Variants in ACOXL observed in about 807,000 individuals in gnomAD.
The protein encoded by ACOXL is acyl-CoA oxidase like.
In ACOXL, 70 loss-of-function variants were observed where a neutral mutation model predicts 71.9. The ratio of observed to expected loss-of-function variants is 0.97; its 90% CI spans 0.80 to 1.19. The LOEUF (loss-of-function observed/expected upper bound fraction) is 1.19, where lower values mean the gene tolerates loss of function less well. ACOXL is among the 50% of genes most tolerant of loss of function. The pLI, the probability that ACOXL is intolerant of heterozygous loss-of-function variation, is 0.00. For synonymous variants in ACOXL, 253 were observed against 281.6 expected, an observed-to-expected ratio of 0.90 and a Z score of 1.02; for missense variants, 703 against 736.3, an observed-to-expected ratio of 0.95 and a Z score of 0.52.
At chr2:110,741,625 A>G (rs1422538391) in intron 1 of ACOXL, among the ~76,000 whole-genome samples, 1 of 152,224 alleles carries the variant, frequency 6.6e-6, no homozygotes. Flanking sequence ...TCAACTGGAA[A>G]GTCATTTCTT....
chr2:110,938,153 T>C (rs950348273), intron 12 of ACOXL, among the ~76,000 whole-genome samples: 2 of 152,148 alleles, frequency 1.3e-5, no homozygotes, highest in Non-Finnish European at 2.9e-5. Context: ...ACTTAAGGAA[T>C]GAGCAAGAGC....
At chr2:110,962,297 C>T (rs1258461447) in intron 12 of ACOXL, among the ~76,000 whole-genome samples, 1 of 152,244 alleles carries the variant, frequency 6.6e-6, no homozygotes, top group East Asian at 1.9e-4. Flanking sequence ...CGCACTTTAT[C>T]GGAACCTGCT....
intron 10 of ACOXL, among the ~76,000 whole-genome samples, chr2:110,874,122 G>C (rs1271664607): frequency 1.3e-5 from 2 of 152,202 alleles, no homozygotes; most frequent in Admixed American, 6.5e-5. Flanking sequence ...TGGGAGAGAG[G>C]GCAGCAAAAG....
chr2:111,105,619 T>C (rs892071335), intron 17 of ACOXL, among the ~76,000 whole-genome samples: 2 of 152,172 alleles, frequency 1.3e-5, no homozygotes, highest in Non-Finnish European at 2.9e-5. Flanking sequence ...TGCATATCCA[T>C]TACTATTATA....
At chr2:111,043,843 T>G (rs764858547) in intron 15 of ACOXL, among the ~76,000 whole-genome samples, 6 of 152,192 alleles carry the variant, frequency 3.9e-5, no homozygotes, top group Non-Finnish European at 7.3e-5. Flanking sequence ...GGAAGCTGGC[T>G]TCCTCATCTT....
Position 111,031,729 on chromosome 2 carries a change from G to A in ACOXL, c.1369+15G>A. On this transcript the variant is annotated intron_variant, in intron 15 of 17. Transcript: ENST00000439055. Reference sequence around the variant, plus strand: ...CACTCACCGAGGTCAGTTGGCTCCTGTTGAATATTTGTAATTGAGTGACTC... The same window carrying A: ...CACTCACCGAGGTCAGTTGGCTCCTATTGAATATTTGTAATTGAGTGACTC... 1 of 1,613,656 alleles carries A rather than the reference G, an allele frequency of 6.2e-7. No homozygotes were observed. Among genetic ancestry groups the A allele is most frequent in the South Asian group, 1.1e-5 (1 of 91,072 alleles).
chr2:110,828,129 C>T (rs1412957755), intron 9 of ACOXL, among the ~76,000 whole-genome samples: 1 of 152,068 alleles, frequency 6.6e-6, no homozygotes, highest in African/African-American at 2.4e-5. Context: ...TGCCATCGCA[C>T]CTGGCTAATT....
chr2:111,038,779 C>A (rs2065644339), intron 15 of ACOXL, among the ~76,000 whole-genome samples: 1 of 152,100 alleles, frequency 6.6e-6, no homozygotes, highest in Admixed American at 6.5e-5. Flanking sequence ...AATATGTTTG[C>A]AGTAAACATA....
intron 9 of ACOXL, among the ~76,000 whole-genome samples, chr2:110,839,460 T>C (rs1573771916): frequency 6.6e-6 from 1 of 152,234 alleles, no homozygotes; most frequent in East Asian, 1.9e-4. Context: ...CTCTTCTGTT[T>C]GCTTAAGTTT....
chr2:110,779,044 CA>C (rs1230987649), intron 2 of ACOXL, among the ~76,000 whole-genome samples: 1 of 152,086 alleles, frequency 6.6e-6, no homozygotes, highest in Non-Finnish European at 1.5e-5. Context: ...CATGTGCTGC[CA>C]GGGGAAGAGG....
chr2:110,958,169 A>T (rs2061573417), intron 12 of ACOXL, among the ~76,000 whole-genome samples: 2 of 152,000 alleles, frequency 1.3e-5, no homozygotes, highest in South Asian at 2.1e-4. Context: ...TCTCATGCAT[A>T]CTCTCTCTAC....
intron 12 of ACOXL, among the ~76,000 whole-genome samples, chr2:110,962,386 G>A (rs948987917): frequency 1.3e-5 from 2 of 152,218 alleles, no homozygotes; most frequent in Non-Finnish European, 2.9e-5. Flanking sequence ...GGTTGGAAAT[G>A]TTACTGATTT....
chr2:110,970,106 G>A (rs923992463), intron 12 of ACOXL, among the ~76,000 whole-genome samples: 2 of 151,986 alleles, frequency 1.3e-5, no homozygotes, highest in Non-Finnish European at 2.9e-5. Context: ...CCAGAAAATA[G>A]AAGAGGAGAG....
intron 11 of ACOXL, among the ~76,000 whole-genome samples, chr2:110,913,910 C>A (rs72834505): frequency 3.9e-5 from 6 of 152,112 alleles, no homozygotes; most frequent in African/African-American, 1.4e-4. Flanking sequence ...GAGGAATCCA[C>A]CCCCGTGACC....
chr2:111,093,447 T>C lies in ACOXL; in HGVS notation c.1542+481T>C, dbSNP rs186979987. ...AGAAAAAGAATGTGAAACAGCATAC[T>C]CATCAGTAAAACACATTTCTGATTA... On this transcript the variant is annotated intron_variant, in intron 17 of 17. Transcript: ENST00000439055. 3.1e-6 allele frequency: 5 copies of C among 1,613,676 alleles called. No homozygotes were observed. The East Asian group carries it at 1.1e-4, about 36-fold the overall frequency.
intron 14 of ACOXL, 69 bp from the exon 15 acceptor site, chr2:111,031,558 T>TTGCAAGACA (rs1298346498): frequency 1.2e-4 from 170 of 1,416,070 alleles, no homozygotes; most frequent in Non-Finnish European, 1.6e-4. Flanking sequence ...GTTTGCCGTC[T>TTGCAAGACA]GTCTTGCTAT....
intron 12 of ACOXL, among the ~76,000 whole-genome samples, chr2:110,937,518 C>T (rs2060709471): frequency 6.6e-6 from 1 of 152,196 alleles, no homozygotes; most frequent in African/African-American, 2.4e-5. Context: ...CCTCTCCACT[C>T]CCAATCCACT....
At chr2:111,061,665 G>A (rs1373560345) in intron 16 of ACOXL, among the ~76,000 whole-genome samples, 1 of 152,116 alleles carries the variant, frequency 6.6e-6, no homozygotes, top group Non-Finnish European at 1.5e-5. Flanking sequence ...TAACACTGAT[G>A]TGATTCTAAA....
At chr2:111,082,753 T>C (rs1558949462) in intron 16 of ACOXL, among the ~76,000 whole-genome samples, 1 of 152,220 alleles carries the variant, frequency 6.6e-6, no homozygotes, top group Non-Finnish European at 1.5e-5. Context: ...ATTGCAGCAC[T>C]GTTCACAATA....
Sources: gnomAD v4.1 joint callset for allele counts (sites outside exome capture counted in the v4.1 genomes callset) on GRCh38, gnomAD v4.1.1 for gene constraint, MANE v1.5 for transcripts, NCBI Gene and HGNC (gene_info 2026-07-23, HGNC 2026-07-21) for gene names.